The following DTNB variants were observed in gnomAD, a reference collection of about 807,000 sequenced individuals.
The protein encoded by DTNB is dystrobrevin beta.
DTNB carries 63 observed loss-of-function variants against 90.7 expected under a neutral mutation model. That is an observed-to-expected ratio of 0.69 (90% CI 0.57 to 0.86). The LOEUF (loss-of-function observed/expected upper bound fraction) is 0.86. Among genes scored for constraint, DTNB ranks in the 40% least tolerant of loss-of-function variants. The pLI is 0.00. For missense variants in DTNB, 744 were observed against 807.1 expected (o/e 0.92, Z 0.95); for synonymous variants, 277 against 286.7 (o/e 0.97, Z 0.34).
chr2:25,566,812 G>A (rs2059115030), intron 8 of DTNB, among the ~76,000 whole-genome samples: 1 of 152,214 alleles, frequency 6.6e-6, no homozygotes, highest in Non-Finnish European at 1.5e-5. Flanking sequence ...GAAGAAATGT[G>A]CAGAGAAGCA....
intron 9 of DTNB, among the ~76,000 whole-genome samples, chr2:25,487,449 T>C (rs186708510): frequency 6.6e-6 from 1 of 152,366 alleles, no homozygotes. Flanking sequence ...GCATAGGTTA[T>C]ATGCAAATAC....
At chr2:25,535,643 GAC>G (rs2079430153) in intron 8 of DTNB, among the ~76,000 whole-genome samples, 3 of 142,020 alleles carry the variant, frequency 2.1e-5, no homozygotes, top group Middle Eastern at 5.0e-3. Flanking sequence ...TCACCTCCCA[GAC>G]AGGGCGGCCG....
chr2:25,628,725 C>G (rs2075016415), intron 3 of DTNB, among the ~76,000 whole-genome samples: 1 of 152,148 alleles, frequency 6.6e-6, no homozygotes, highest in Non-Finnish European at 1.5e-5. Context: ...TGAAAATTTG[C>G]TGTATTACCT....
chr2:25,433,075 T>C (rs1574377178), intron 13 of DTNB, 76 bp from the exon 14 acceptor site: 1 of 1,413,306 alleles, frequency 7.1e-7, no homozygotes, highest in Non-Finnish European at 9.4e-7. Context: ...ATTACAACTT[T>C]TCAACTCTAG....
intron 1 of DTNB, among the ~76,000 whole-genome samples, chr2:25,662,665 CACACACACACACACAA>C (rs1481304972): frequency 1.3e-5 from 1 of 74,128 alleles, no homozygotes; most frequent in African/African-American, 3.5e-5. Flanking sequence ...CACACACACA[CACACACACACACACAA>C]ACACACACAC....
chr2:25,492,956 C>G (rs1467609595), intron 9 of DTNB, among the ~76,000 whole-genome samples: 4 of 152,196 alleles, frequency 2.6e-5, no homozygotes, highest in Non-Finnish European at 5.9e-5. Flanking sequence ...TTTGACAGAG[C>G]CTCTTCTGTA....
chr2:25,535,691 G>T (rs1265675268), intron 8 of DTNB, among the ~76,000 whole-genome samples: 1 of 141,626 alleles, frequency 7.1e-6, no homozygotes, highest in Non-Finnish European at 1.5e-5. Context: ...ACAATGGGCG[G>T]CCAGGCAGAG....
intron 1 of DTNB, among the ~76,000 whole-genome samples, chr2:25,660,928 A>C (rs971334330): frequency 6.6e-6 from 1 of 152,202 alleles, no homozygotes; most frequent in African/African-American, 2.4e-5. Context: ...TATATCAGAG[A>C]TCCTGTGAAT....
At chr2:25,440,819 T>C (rs531476791) in intron 12 of DTNB, among the ~76,000 whole-genome samples, 1 of 152,228 alleles carries the variant, frequency 6.6e-6, no homozygotes, top group Non-Finnish European at 1.5e-5. Context: ...AGTATTTTAA[T>C]GCAAATTCTT....
chr2:25,568,252 C>A lies in DTNB; in HGVS notation c.876+8586G>T, dbSNP rs184117568. Among the ~76,000 whole-genome samples the A allele has an allele frequency of 1.1e-3, 164 of 151,812 alleles. 1 individual carries two copies. The highest frequency in any genetic ancestry group is 3.9e-3 in the African/African-American group (162 of 41,412). On this transcript the variant is annotated intron_variant, in intron 8 of 20. Coordinates refer to ENST00000406818, the MANE Select transcript of DTNB (RefSeq NM_021907.5). ...GAGATGGATGCTGGTGATGGCCGCA[C>A]AACAATGTGAATGTCCTTAATGCCA... is the stretch of plus-strand genomic sequence containing the variant.
intron 5 of DTNB, chr2:25,598,891 G>C (rs1343642038): frequency 1.3e-5 from 2 of 151,962 alleles, no homozygotes; most frequent in Non-Finnish European, 2.9e-5. Context: ...AGACTGAATA[G>C]GAAGAGTATT....
intron 1 of DTNB, among the ~76,000 whole-genome samples, chr2:25,664,131 A>G (rs2083842673): frequency 6.6e-6 from 1 of 152,232 alleles, no homozygotes; most frequent in Admixed American, 6.5e-5. Context: ...ATATAAGTCC[A>G]TATTTTAAAT....
intron 9 of DTNB, among the ~76,000 whole-genome samples, chr2:25,487,236 G>T (rs529151966): frequency 6.6e-6 from 1 of 152,230 alleles, no homozygotes; most frequent in South Asian, 2.1e-4. Flanking sequence ...AATGAAGTAT[G>T]GTCAGTCCTC....
chr2:25,385,377 G>C (rs1387392471), intron 18 of DTNB, among the ~76,000 whole-genome samples: 3 of 152,232 alleles, frequency 2.0e-5, no homozygotes, highest in Non-Finnish European at 4.4e-5. Flanking sequence ...GATGGGTGAA[G>C]CTATTCCATT....
chr2:25,391,346 G>A (rs539246577), intron 16 of DTNB, among the ~76,000 whole-genome samples: 25 of 152,196 alleles, frequency 1.6e-4, no homozygotes, highest in African/African-American at 6.0e-4. Context: ...GAAAATGTTT[G>A]CAAACTATAT....
chr2:25,523,953 G>C (rs1047906848), intron 9 of DTNB, among the ~76,000 whole-genome samples: 4 of 147,978 alleles, frequency 2.7e-5, no homozygotes, highest in Middle Eastern at 3.2e-3. Flanking sequence ...CCAAGCTGGA[G>C]TGCAATGGCG....
chr2:25,588,439 C>G (rs1475627696), intron 6 of DTNB, among the ~76,000 whole-genome samples: 6 of 151,578 alleles, frequency 4.0e-5, no homozygotes, highest in Admixed American at 1.3e-4. Flanking sequence ...GATCTCGGCT[C>G]ACTGCAACCT....
chr2:25,639,023 GT>G lies in DTNB; in HGVS notation c.138del (p.Lys46AsnfsTer13). On this transcript the variant is annotated frameshift_variant, in exon 3 of 21. Transcript: ENST00000406818. LOFTEE classifies it high-confidence loss of function. ...AGTAGAAATGACTCACGGTTGCATCGTTTTTGTACAAATCGTAATTTGCAGG... is the reference window on the plus strand; with the variant it reads ...AGTAGAAATGACTCACGGTTGCATCGTTTTGTACAAATCGTAATTTGCAGG... ...RTACKLRFVQKRCNLHLVDIW... is the reference protein window; with the variant it reads ...RTACKLRFVQXRCNLHLVDIW... 1.3e-6 allele frequency: 2 copies of G among 1,588,350 alleles called. No homozygotes were observed. The highest frequency in any genetic ancestry group is 1.1e-5 in the South Asian group (1 of 87,132).
At chr2:25,428,073 C>T (rs1290372221) in intron 14 of DTNB, 1 of 152,618 alleles carries the variant, frequency 6.6e-6, no homozygotes, top group Non-Finnish European at 1.5e-5. Flanking sequence ...TCCCTGTGTT[C>T]AAGAACAGTC....
Sources: gnomAD v4.1 joint callset for allele counts (sites outside exome capture counted in the v4.1 genomes callset) on GRCh38, gnomAD v4.1.1 for gene constraint, MANE v1.5 for transcripts, NCBI Gene and HGNC (gene_info 2026-07-23, HGNC 2026-07-21) for gene names.